The following XKR9 variants were observed in gnomAD, a reference collection of about 807,000 sequenced individuals.
The protein encoded by XKR9 is XK-related protein 9.
XKR9 carries 32 observed loss-of-function variants against 32.0 expected under a neutral mutation model. That is an observed-to-expected ratio of 1.00 (90% CI 0.76 to 1.34). The LOEUF is 1.34. Ranked by LOEUF, XKR9 falls within the 40% of genes most tolerant of loss-of-function variation. The pLI, the probability that XKR9 is intolerant of heterozygous loss-of-function variation, is 0.00. For synonymous variants in XKR9, 168 were observed against 143.4 expected (o/e 1.17, Z -1.22); for missense variants, 546 against 429.7 (o/e 1.27, Z -2.39).
chr8:70,912,947 T>G, the XKR9 span, among the ~76,000 whole-genome samples: 7 of 152,112 alleles, frequency 4.6e-5, no homozygotes, highest in African/African-American at 1.7e-4. Flanking sequence ...TACTAACCTT[T>G]CCTGGACTAC....
intron 4 of XKR9, among the ~76,000 whole-genome samples, chr8:70,714,430 A>G (rs1226472458): frequency 1.3e-5 from 2 of 151,248 alleles, no homozygotes; most frequent in Admixed American, 1.3e-4. Context: ...TTTTCTCTAA[A>G]TTTGTGGCTT....
chr8:70,708,333 A>G (rs1805792773), intron 4 of XKR9, among the ~76,000 whole-genome samples: 1 of 152,076 alleles, frequency 6.6e-6, no homozygotes, highest in African/African-American at 2.4e-5. Flanking sequence ...CATCTGGACT[A>G]CCTATGAGAT....
the XKR9 span, among the ~76,000 whole-genome samples, chr8:70,800,869 T>A: frequency 1.3e-5 from 2 of 152,166 alleles, no homozygotes. Context: ...GGATTCAATT[T>A]CTTCCTGGTT....
chr8:70,669,980 T>C (rs568784563), intron 1 of XKR9, among the ~76,000 whole-genome samples: 1 of 152,346 alleles, frequency 6.6e-6, no homozygotes, highest in East Asian at 1.9e-4. Flanking sequence ...TGTTCATCTT[T>C]TATAATAAAT....
the XKR9 span, among the ~76,000 whole-genome samples, chr8:71,020,370 A>G: frequency 1.3e-5 from 2 of 152,310 alleles, no homozygotes; most frequent in South Asian, 2.1e-4. Context: ...TGATTTTCCA[A>G]CAATAGCCGT....
chr8:70,706,990 T>G lies in XKR9; in HGVS notation c.330T>G (p.Thr110=). 1 of 1,613,394 alleles carries G rather than the reference T, an allele frequency of 6.2e-7. No homozygotes were observed. The highest frequency in any genetic ancestry group is 8.5e-7 in the Non-Finnish European group (1 of 1,179,468). The part of the protein sequence containing the change: ...YHAAFKYDSN[T]SNFVEEQIDL... Reference sequence around the variant, plus strand: ...CAGCTTTTAAATATGACAGCAATACTAGTAACTTCGTGGAAGAACAAATTG... The same window carrying G: ...CAGCTTTTAAATATGACAGCAATACGAGTAACTTCGTGGAAGAACAAATTG... The change falls in exon 4 of 5, where the codon ACT becomes ACG. Residue 110 remains threonine (T), a synonymous_variant. Transcript: ENST00000408926.
At chr8:70,700,966 C>G (rs779782862) in intron 3 of XKR9, among the ~76,000 whole-genome samples, 3 of 152,176 alleles carry the variant, frequency 2.0e-5, no homozygotes, top group Non-Finnish European at 4.4e-5. Flanking sequence ...AGCGAGACTC[C>G]GTGGGGCGTA....
chr8:71,047,813 A>C, the XKR9 span, among the ~76,000 whole-genome samples: 1 of 152,224 alleles, frequency 6.6e-6, no homozygotes. Flanking sequence ...AGTGCTTTTT[A>C]AAATGACTAT....
the XKR9 span, among the ~76,000 whole-genome samples, chr8:70,939,217 C>T: frequency 6.6e-6 from 1 of 152,014 alleles, no homozygotes; most frequent in Non-Finnish European, 1.5e-5. Flanking sequence ...TGCAGACAGG[C>T]AATTACTGAA....
chr8:71,024,515 A>C, the XKR9 span, among the ~76,000 whole-genome samples: 1 of 152,146 alleles, frequency 6.6e-6, no homozygotes, highest in Admixed American at 6.5e-5. Context: ...CAGGGCTCTT[A>C]AAATGGCACC....
At chr8:70,961,966 T>C in the XKR9 span, among the ~76,000 whole-genome samples, 2 of 152,184 alleles carry the variant, frequency 1.3e-5, no homozygotes, top group Admixed American at 6.5e-5. Context: ...ATGGTCCACA[T>C]TTTAAAAAAT....
the XKR9 span, among the ~76,000 whole-genome samples, chr8:70,798,887 A>G: frequency 6.6e-6 from 1 of 152,024 alleles, no homozygotes; most frequent in South Asian, 2.1e-4. Context: ...TGAGTTCTCT[A>G]TTTCTGTTCC....
chr8:71,016,461 T>A, the XKR9 span, among the ~76,000 whole-genome samples: 17 of 152,110 alleles, frequency 1.1e-4, no homozygotes, highest in Admixed American at 1.0e-3. Context: ...AAAGCCCTCA[T>A]CACAAAACAG....
At chr8:70,867,066 G>A in the XKR9 span, among the ~76,000 whole-genome samples, 6 of 152,106 alleles carry the variant, frequency 3.9e-5, no homozygotes, top group South Asian at 2.1e-4. Context: ...TAATTGATAC[G>A]GGAAAAAGGG....
At chr8:70,705,739 T>C (rs915216290) in intron 3 of XKR9, among the ~76,000 whole-genome samples, 5 of 152,104 alleles carry the variant, frequency 3.3e-5, no homozygotes, top group African/African-American at 1.2e-4. Context: ...CCCCAATGAG[T>C]AGTGACATCT....
chr8:70,890,363 A>G, the XKR9 span, among the ~76,000 whole-genome samples: 10 of 152,002 alleles, frequency 6.6e-5, no homozygotes, highest in Non-Finnish European at 1.5e-4. Context: ...AAATAGTGAG[A>G]CTAGACATCC....
At chr8:71,042,080 C>CAG in the XKR9 span, among the ~76,000 whole-genome samples, 5 of 152,116 alleles carry the variant, frequency 3.3e-5, no homozygotes, top group South Asian at 2.1e-4. Context: ...ACCACGAAAC[C>CAG]AGAGAGAGAG....
At chr8:70,983,484 G>A in the XKR9 span, among the ~76,000 whole-genome samples, 1 of 152,162 alleles carries the variant, frequency 6.6e-6, no homozygotes, top group Non-Finnish European at 1.5e-5. Context: ...TTTGCCCATG[G>A]TGGATGCTTT....
At chr8:70,770,025 G>A (rs1807432783) in intron 2 of XKR9, among the ~76,000 whole-genome samples, 1 of 152,100 alleles carries the variant, frequency 6.6e-6, no homozygotes, top group Non-Finnish European at 1.5e-5. Flanking sequence ...ATGCATTCTG[G>A]TTTTTGGAAT....
Sources: gnomAD v4.1 joint callset for allele counts (sites outside exome capture counted in the v4.1 genomes callset) on GRCh38, gnomAD v4.1.1 for gene constraint, MANE v1.5 for transcripts, NCBI Gene and HGNC (gene_info 2026-07-23, HGNC 2026-07-21) for gene names.